KNSTRN: variants seen among roughly 807,000 people sequenced by gnomAD.
KNSTRN encodes kinetochore localized astrin (SPAG5) binding protein, also known as small kinetochore-associated protein.
A neutral mutation model predicts 44.7 loss-of-function variants in KNSTRN; 38 were observed. The ratio of observed to expected loss-of-function variants is 0.85; its 90% CI spans 0.66 to 1.11. The LOEUF (loss-of-function observed/expected upper bound fraction) is 1.11, where lower values mean the gene tolerates loss of function less well. Ranked by LOEUF, KNSTRN falls within the 50% of genes most tolerant of loss-of-function variation. The pLI is 0.00. For synonymous variants in KNSTRN, 158 were observed against 148.1 expected (o/e 1.07, Z -0.48); for missense variants, 406 against 375.8 (o/e 1.08, Z -0.66).
Position 40,386,379 on chromosome 15 carries a change from A to G in KNSTRN, c.322A>G (p.Thr108Ala), listed in dbSNP as rs1430661398. 4.3e-6 allele frequency: 7 copies of G among 1,613,630 alleles called. No individual in the cohort carries two copies. In the Admixed American group the frequency reaches 1.2e-4, roughly 27 times the overall value. Residue 108 changes from threonine (T) to alanine (A), a missense_variant, in exon 3 of 9, where the codon ACT (threonine) becomes GCT (alanine). By Grantham distance (58) the Thr-to-Ala change is moderately conservative (BLOSUM62 0). Coordinates refer to ENST00000249776, the MANE Select transcript of KNSTRN (RefSeq NM_033286.4). ...GQPADTQTRATSKSLLPVRSK... is the reference protein window; with the variant it reads ...GQPADTQTRAASKSLLPVRSK... ...CTTTGCAGACACACAAACTCGGGCCACTTCTAAGAGTCTCTTACCTGTTAG... is the reference window on the plus strand; with the variant it reads ...CTTTGCAGACACACAAACTCGGGCCGCTTCTAAGAGTCTCTTACCTGTTAG...
Position 40,386,489 on chromosome 15 carries a change from G to T in KNSTRN, c.432G>T (p.Glu144Asp). ...DVTKITKLRR[E>D]NGQMKATDTA... ...CAAAAATCACCAAACTGAGACGAGA[G>T]AATGGGTGAGAACGGATCATTAGTA... The change falls in exon 3 of 9, where the codon GAG (glutamate) becomes GAT (aspartate). Residue 144 changes from glutamate (E) to aspartate (D), a missense_variant. Coordinates refer to ENST00000249776, the MANE Select transcript of KNSTRN (RefSeq NM_033286.4). 1 of 1,614,114 alleles carries T rather than the reference G, an allele frequency of 6.2e-7. No individual in the cohort carries two copies. The highest frequency in any genetic ancestry group is 8.5e-7 in the Non-Finnish European group (1 of 1,179,950).
At chr15:40,393,259 A>G in intron 8 of KNSTRN, 1 of 1,613,704 alleles carries the variant, frequency 6.2e-7, no homozygotes. Context: ...GTTTAGATAC[A>G]GGAGTCTAGT....
At chr15:40,385,887 T>G (rs1233325089) in intron 2 of KNSTRN, among the ~76,000 whole-genome samples, 1 of 152,252 alleles carries the variant, frequency 6.6e-6, no homozygotes, top group African/African-American at 2.4e-5. Context: ...AATTTTGGTT[T>G]TTATTGCCAA....
intron 2 of KNSTRN, 30 bp from the exon 3 acceptor site, chr15:40,386,332 A>G (rs1208773996): frequency 1.2e-6 from 2 of 1,605,716 alleles, no homozygotes; most frequent in Admixed American, 1.7e-5. Flanking sequence ...TCATGATGCC[A>G]GAAGCTTTAC....
chr15:40,390,800 A>G, intron 6 of KNSTRN, among the ~76,000 whole-genome samples: 1 of 151,942 alleles, frequency 6.6e-6, no homozygotes, highest in Middle Eastern at 3.2e-3. Context: ...TTTTTAGTAG[A>G]GATGGGGTTT....
At chr15:40,384,574 AGT>A (rs1889872630) in intron 2 of KNSTRN, 1 of 442,200 alleles carries the variant, frequency 2.3e-6, no homozygotes, top group Non-Finnish European at 4.5e-6. Flanking sequence ...GTCAGTGGGC[AGT>A]GACTAGCTCT....
chr15:40,388,647 A>G (rs1376515184), intron 4 of KNSTRN, among the ~76,000 whole-genome samples: 4 of 151,684 alleles, frequency 2.6e-5, no homozygotes, highest in Non-Finnish European at 4.4e-5. Flanking sequence ...GTGAGCCGAG[A>G]CCACGCCACT....
Position 40,382,909 on chromosome 15 carries a change from AC to A in KNSTRN, c.77del (p.Pro26HisfsTer18), listed in dbSNP as rs1323467542. ...TGGCTGTCTACAGAGTGCGATTCCC[AC>A]CCACTTCCGCCTAGCTACCGGAAGT... is the stretch of plus-strand genomic sequence containing the variant. ...TTWLSTECDS[H>X]PLPPSYRKFL... On this transcript the variant is annotated frameshift_variant, in exon 1 of 9. Transcript: ENST00000249776. LOFTEE classifies it high-confidence loss of function. 1.2e-6 allele frequency: 2 copies of A among 1,612,074 alleles called. No individual in the cohort carries two copies. The highest frequency in any genetic ancestry group is 1.3e-5 in the African/African-American group (1 of 74,912).
intron 8 of KNSTRN, chr15:40,393,185 T>C: frequency 6.2e-7 from 1 of 1,613,812 alleles, no homozygotes; most frequent in South Asian, 1.1e-5. Flanking sequence ...TGGTCTGGAC[T>C]GTTTCAGATT....
At chr15:40,388,102 T>G (rs1326199778) in intron 4 of KNSTRN, among the ~76,000 whole-genome samples, 1 of 152,204 alleles carries the variant, frequency 6.6e-6, no homozygotes, top group Non-Finnish European at 1.5e-5. Flanking sequence ...ACCAGCTTGG[T>G]CGGGGAGACC....
chr15:40,385,260 G>A (rs964767976), intron 2 of KNSTRN, among the ~76,000 whole-genome samples: 2 of 152,220 alleles, frequency 1.3e-5, no homozygotes, highest in African/African-American at 2.4e-5. Flanking sequence ...TGAATTTGCT[G>A]TAGAACACAA....
chr15:40,386,569 G>T, intron 3 of KNSTRN, 75 bp downstream of exon 3: 1 of 1,518,756 alleles, frequency 6.6e-7, no homozygotes, highest in Admixed American at 1.8e-5. Context: ...AGAAAACAGA[G>T]TTTTGGACAA....
chr15:40,390,497 A>G (rs1889979790), intron 6 of KNSTRN, among the ~76,000 whole-genome samples: 1 of 152,254 alleles, frequency 6.6e-6, no homozygotes. Context: ...AGACTGTAAG[A>G]GGGCCTCAGA....
At position 40,383,274 on chromosome 15, in the gene KNSTRN, G is replaced by C. The variant is rs1889845434; in HGVS notation, c.256G>C (p.Val86Leu). ...TACGATGACCAGTGTGGTTAAGACA[G>C]TGTATAGCCTGCAGCCCCCCTCTGC... ...LVTMTSVVKT[V>L]YSLQPPSALS... is the part of the protein sequence containing the mutation. Residue 86 changes from valine to leucine, a missense_variant, in exon 2 of 9, where the codon GTG becomes CTG. Val to Leu is a conservative substitution (Grantham distance 32). Coordinates refer to ENST00000249776, the MANE Select transcript of KNSTRN (RefSeq NM_033286.4). 4.3e-6 allele frequency: 7 copies of C among 1,614,084 alleles called. No individual in the cohort carries two copies. Among genetic ancestry groups the C allele is most frequent in the Non-Finnish European group, 5.9e-6 (7 of 1,179,948 alleles).
chr15:40,385,226 G>A (rs563581236), intron 2 of KNSTRN, among the ~76,000 whole-genome samples: 170 of 152,338 alleles, frequency 1.1e-3, no homozygotes, highest in Non-Finnish European at 1.9e-3. Context: ...GAGGGTGGGG[G>A]TGCTTAACTC....
intron 4 of KNSTRN, among the ~76,000 whole-genome samples, chr15:40,388,612 G>A (rs889536385): frequency 1.1e-4 from 16 of 151,944 alleles, no homozygotes; most frequent in Admixed American, 5.9e-4. Context: ...GGAGAATGGT[G>A]TGAACCCAGG....
chr15:40,393,437 G>A (rs751216309), intron 8 of KNSTRN, 32 bp from the exon 9 acceptor site: 25 of 1,607,422 alleles, frequency 1.6e-5, no homozygotes, highest in Non-Finnish European at 1.9e-5. Flanking sequence ...TTGTGTATGT[G>A]TTGTTTTCTT....
In KNSTRN at chr15:40,383,292, C is replaced by G; in HGVS notation, c.274C>G (p.Pro92Ala). 6.2e-7 allele frequency: 1 copy of G among 1,613,392 alleles called. No individual in the cohort carries two copies. Among genetic ancestry groups the G allele is most frequent in the Non-Finnish European group, 8.5e-7 (1 of 1,179,496 alleles). The change falls in exon 2 of 9, where the codon CCC becomes GCC. Residue 92 changes from proline to alanine, a missense_variant. Coordinates refer to ENST00000249776, the MANE Select transcript of KNSTRN (RefSeq NM_033286.4). ...VVKTVYSLQP[P>A]SALSGGQPAD... ...TAAGACAGTGTATAGCCTGCAGCCC[C>G]CCTCTGCGCTGAGCGGCGGCCAGCC...
rs1250391399 is a variant in KNSTRN at position 40,382,898 on chromosome 15, G to C, written c.63G>C (p.Glu21Asp). The change falls in exon 1 of 9, where the codon GAG becomes GAC. Residue 21 changes from glutamate to aspartate, a missense_variant. Transcript: ENST00000249776. Reference protein sequence around the residue: ...RVFRTTWLSTECDSHPLPPSY... With the variant: ...RVFRTTWLSTDCDSHPLPPSY... Reference sequence around the variant, plus strand: ...TCCGTACAACATGGCTGTCTACAGAGTGCGATTCCCACCCACTTCCGCCTA... The same window carrying C: ...TCCGTACAACATGGCTGTCTACAGACTGCGATTCCCACCCACTTCCGCCTA... 4 of 1,612,328 alleles carry C rather than the reference G, an allele frequency of 2.5e-6. No individual in the cohort carries two copies. The South Asian group carries it at 4.4e-5, about 18-fold the overall frequency.
Sources: gnomAD v4.1 joint callset for allele counts (sites outside exome capture counted in the v4.1 genomes callset) on GRCh38, gnomAD v4.1.1 for gene constraint, MANE v1.5 for transcripts, NCBI Gene and HGNC (gene_info 2026-07-23, HGNC 2026-07-21) for gene names.